The following AKR1C3 variants were observed in gnomAD, a reference collection of about 807,000 sequenced individuals.
The protein encoded by AKR1C3 is 3-alpha hydroxysteroid dehydrogenase, type II.
AKR1C3 carries 48 observed loss-of-function variants against 43.6 expected under a neutral mutation model. That is an observed-to-expected ratio of 1.10 (90% CI 0.87 to 1.40). The LOEUF (loss-of-function observed/expected upper bound fraction) is 1.40. AKR1C3 is among the 40% of genes most tolerant of loss of function. AKR1C3 has a pLI of 0.00. For synonymous variants in AKR1C3, 162 were observed against 139.6 expected (o/e 1.16, Z -1.13); for missense variants, 482 against 391.2 (o/e 1.23, Z -1.96).
intron 1 of AKR1C3, among the ~76,000 whole-genome samples, chr10:5,054,794 C>A (rs11252906): frequency 0.21 from 31,367 of 152,016 alleles, 3,325 homozygotes; most frequent in East Asian, 0.38. Context: ...CTGTCTCTTT[C>A]TTTGACTTCC....
chr10:5,050,976 G>A (rs550633936), intron 1 of AKR1C3, among the ~76,000 whole-genome samples: 92 of 152,320 alleles, frequency 6.0e-4, no homozygotes, highest in Middle Eastern at 6.8e-3. Context: ...TCAAAGTAGG[G>A]CAGAAAGAGT....
intron 3 of AKR1C3, 58 bp from the exon 4 acceptor site, chr10:5,098,744 C>T: frequency 7.0e-7 from 1 of 1,427,284 alleles, no homozygotes; most frequent in Non-Finnish European, 9.9e-7. Flanking sequence ...CCTGGGGTTA[C>T]AGCTATGAGT....
chr10:5,099,452 G>A lies in AKR1C3; in HGVS notation c.570+3G>A, dbSNP rs370758680. 2.4e-5 allele frequency: 39 copies of A among 1,614,024 alleles called. No individual in the cohort carries two copies. The highest frequency in any genetic ancestry group is 9.3e-6 in the Non-Finnish European group (11 of 1,180,016). On this transcript the variant is annotated splice_donor_region_variant and intron_variant, in intron 5 of 8. Transcript: ENST00000380554. Reference sequence around the variant, plus strand: ...AGTACAAGCCTGTCTGCAACCAGGTGAGCTCCCTTGGCCTTCTCTCCTTTC... The same window carrying A: ...AGTACAAGCCTGTCTGCAACCAGGTAAGCTCCCTTGGCCTTCTCTCCTTTC...
chr10:5,094,739 C>T (rs1451800113), intron 1 of AKR1C3, among the ~76,000 whole-genome samples: 1 of 152,086 alleles, frequency 6.6e-6, no homozygotes, highest in Non-Finnish European at 1.5e-5. Flanking sequence ...CGTTTGTGCA[C>T]TGTTTCTTTC....
chr10:5,099,307 C>G lies in AKR1C3; in HGVS notation c.448-20C>G. 1.2e-6 allele frequency: 2 copies of G among 1,613,988 alleles called. No homozygotes were observed. The highest frequency in any genetic ancestry group is 3.3e-4 in the Middle Eastern group (2 of 5,998). ...GCAGCCAACTGCACAAATAATTCCT[C>G]ACAACCCCTTTCTCCACAGGCCATG... On this transcript the variant is annotated intron_variant, in intron 4 of 8. Coordinates refer to ENST00000380554, the MANE Select transcript of AKR1C3 (RefSeq NM_003739.6).
chr10:5,083,435 C>T (rs1838881410), intron 1 of AKR1C3, among the ~76,000 whole-genome samples: 4 of 152,166 alleles, frequency 2.6e-5, no homozygotes, highest in Admixed American at 2.6e-4. Context: ...GCATAGTATT[C>T]CATGGTGTAT....
At chr10:5,093,331 A>G (rs1839136590), upstream of AKR1C3, 1 of 152,102 alleles carries the variant, frequency 6.6e-6, no homozygotes, top group Non-Finnish European at 1.5e-5. Flanking sequence ...GCTTTCAATG[A>G]TTTTATATTA....
At chr10:5,079,140 T>C (rs1194245357) in intron 1 of AKR1C3, among the ~76,000 whole-genome samples, 1 of 152,186 alleles carries the variant, frequency 6.6e-6, no homozygotes, top group African/African-American at 2.4e-5. Context: ...GCACATAAAA[T>C]GGAGCTATTT....
upstream of AKR1C3, among the ~76,000 whole-genome samples, chr10:5,092,536 A>T (rs35531692): frequency 1.2e-3 from 181 of 151,110 alleles, no homozygotes; most frequent in Admixed American, 2.4e-3. Context: ...TTATCCCTAA[A>T]CATGTAGATT....
intron 1 of AKR1C3, 24 bp downstream of exon 1, chr10:5,094,552 T>A: frequency 6.2e-7 from 1 of 1,611,198 alleles, no homozygotes; most frequent in Non-Finnish European, 8.5e-7. Context: ...CTTTTAGTTT[T>A]CGGATTTCAA....
intron 1 of AKR1C3, among the ~76,000 whole-genome samples, chr10:5,081,263 C>A (rs1838832711): frequency 7.0e-6 from 1 of 142,786 alleles, no homozygotes; most frequent in Non-Finnish European, 1.5e-5. Context: ...GTTTAACTAC[C>A]CTTCAACTCA....
chr10:5,095,246 G>T (rs782159238), intron 1 of AKR1C3, among the ~76,000 whole-genome samples: 2 of 152,186 alleles, frequency 1.3e-5, no homozygotes, highest in South Asian at 4.1e-4. Flanking sequence ...TTCCAAGACT[G>T]TCCTCAGGCT....
chr10:5,054,584 T>G (rs1838220404), intron 1 of AKR1C3, among the ~76,000 whole-genome samples: 1 of 152,186 alleles, frequency 6.6e-6, no homozygotes, highest in Admixed American at 6.5e-5. Flanking sequence ...TTTAAAGGAA[T>G]GGGATACACT....
chr10:5,066,368 A>G (rs1564357207), intron 1 of AKR1C3, among the ~76,000 whole-genome samples: 2 of 152,164 alleles, frequency 1.3e-5, no homozygotes, highest in East Asian at 3.9e-4. Context: ...GAATGTGACC[A>G]AAACTTAGGG....
At chr10:5,048,791 C>G, upstream of AKR1C3, 2 of 1,609,382 alleles carry the variant, frequency 1.2e-6, no homozygotes, top group Non-Finnish European at 1.7e-6. Context: ...GAAACATTTG[C>G]TAGCCAGCTG....
intron 1 of AKR1C3, among the ~76,000 whole-genome samples, chr10:5,073,129 A>C (rs1838645531): frequency 6.6e-6 from 1 of 151,760 alleles, no homozygotes; most frequent in African/African-American, 2.4e-5. Flanking sequence ...CCACCCAGCT[A>C]ATTTTTGTAT....
intron 1 of AKR1C3, among the ~76,000 whole-genome samples, chr10:5,059,343 T>C (rs1838330203): frequency 6.6e-6 from 1 of 152,136 alleles, no homozygotes; most frequent in African/African-American, 2.4e-5. Context: ...TCTGGCAAGC[T>C]TTAGGACCCA....
intron 1 of AKR1C3, among the ~76,000 whole-genome samples, chr10:5,067,393 G>A (rs2131798182): frequency 6.6e-6 from 1 of 152,302 alleles, no homozygotes; most frequent in African/African-American, 2.4e-5. Flanking sequence ...TCCAATGAGT[G>A]TACAATTCCA....
chr10:5,100,275 C>A (rs888871747), intron 5 of AKR1C3, among the ~76,000 whole-genome samples: 2 of 152,070 alleles, frequency 1.3e-5, no homozygotes, highest in Non-Finnish European at 2.9e-5. Context: ...GCCTGGGCAA[C>A]AAGAGTGAAA....
Sources: allele counts gnomAD v4.1 joint callset (sites outside exome capture counted in the v4.1 genomes callset), GRCh38; gene constraint gnomAD v4.1.1; transcripts MANE v1.5; gene names NCBI Gene and HGNC (gene_info 2026-07-23, HGNC 2026-07-21).